The following CCAR1 variants were observed in gnomAD, a reference collection of about 807,000 sequenced individuals.
The protein encoded by CCAR1 is cell division cycle and apoptosis regulator 1.
Under a neutral mutation model 163.8 loss-of-function variants are expected in CCAR1, and 78 were observed. The observed-to-expected ratio is 0.48, with a 90% CI of 0.40 to 0.57. The LOEUF is 0.57. Ranked by LOEUF, CCAR1 falls within the 20% of genes least tolerant of loss-of-function variation. The pLI, the probability that CCAR1 is intolerant of heterozygous loss-of-function variation, is 0.00. For missense variants in CCAR1, 1,019 were observed against 1,365.2 expected (o/e 0.75, Z 4.00); for synonymous variants, 443 against 460.7 (o/e 0.96, Z 0.49).
chr10:68,757,419 A>G, intron 15 of CCAR1, 42 bp downstream of exon 15: 1 of 1,148,546 alleles, frequency 8.7e-7, no homozygotes, highest in Non-Finnish European at 1.3e-6. Flanking sequence ...TTTTTCAATT[A>G]AAAAGTTCTT....
Position 68,777,552 on chromosome 10 carries a change from C to T in CCAR1, c.2650+4453C>T, listed in dbSNP as rs191109169. Among the ~76,000 whole-genome samples the T allele has an allele frequency of 2.8e-3, 427 of 152,162 alleles. 7 individuals are homozygous for T. The highest frequency in any genetic ancestry group is 0.024 in the Admixed American group (372 of 15,272). ...ACAAAAAATTAGCTGGGCATGGTGG[C>T]GCGCACCTGTAATCCCAGCTGCTCA... On this transcript the variant is annotated intron_variant, in intron 19 of 24. Transcript: ENST00000265872.
chr10:68,782,922 A>T (rs1017041547), intron 19 of CCAR1, among the ~76,000 whole-genome samples: 1 of 151,832 alleles, frequency 6.6e-6, no homozygotes, highest in Non-Finnish European at 1.5e-5. Context: ...TCTGATGGAG[A>T]TGTACAAGGA....
At position 68,737,210 on chromosome 10, in the gene CCAR1, G is replaced by A. The variant is rs137882364; in HGVS notation, c.246+162G>A. 5.7e-3 allele frequency among the ~76,000 whole-genome samples: 873 copies of A among 152,192 alleles called. 12 individuals carry two copies. The highest frequency in any genetic ancestry group is 0.02 in the African/African-American group (831 of 41,528). The stretch of plus-strand genomic sequence containing the variant: ...TATTATATCTGACCAGCATATATAG[G>A]GAAGAATAGTTGGGCCAGGCATGGT... On this transcript the variant is annotated intron_variant, in intron 3 of 24. Coordinates refer to ENST00000265872, the MANE Select transcript of CCAR1 (RefSeq NM_018237.4).
At chr10:68,727,393 C>A (rs1165963449) in intron 2 of CCAR1, among the ~76,000 whole-genome samples, 3 of 152,002 alleles carry the variant, frequency 2.0e-5, no homozygotes, top group Non-Finnish European at 2.9e-5. Context: ...GAAATTGAGG[C>A]CAAGGACGGT....
chr10:68,768,033 G>A (rs971357210), intron 17 of CCAR1, among the ~76,000 whole-genome samples: 5 of 151,920 alleles, frequency 3.3e-5, no homozygotes, highest in Admixed American at 2.0e-4. Context: ...CATATCTTAT[G>A]TTCTTTTATT....
At position 68,791,259 on chromosome 10, in the gene CCAR1, G is replaced by A. The variant is rs150373089; in HGVS notation, c.3446G>A (p.Ser1149Asn). The change falls in exon 25 of 25, where the codon AGT becomes AAT. Residue 1149 changes from serine (S) to asparagine (N), a missense_variant. This residue lies in a region of CCAR1 where 358 missense variants were observed against 406.4 expected (regional missense o/e 0.88). Coordinates refer to ENST00000265872, the MANE Select transcript of CCAR1 (RefSeq NM_018237.4). ...CAAAAATCCAAGGAGAATGGTGCCA[G>A]TGTATGATAAAATCCATGTAGTGAT... The part of the protein sequence containing the change: ...KDQKSKENGA[S>N]V The A allele has an allele frequency of 2.5e-6, 4 of 1,595,792 alleles. No homozygotes were observed. Among genetic ancestry groups the A allele is most frequent in the Non-Finnish European group, 3.4e-6 (4 of 1,165,694 alleles).
intron 2 of CCAR1, among the ~76,000 whole-genome samples, chr10:68,725,432 T>C (rs1362908700): frequency 6.6e-6 from 1 of 151,962 alleles, no homozygotes; most frequent in Non-Finnish European, 1.5e-5. Context: ...CAACAAAACG[T>C]CATTTTCAAA....
chr10:68,743,107 A>T (rs2056204232), intron 6 of CCAR1, among the ~76,000 whole-genome samples: 1 of 151,466 alleles, frequency 6.6e-6, no homozygotes, highest in African/African-American at 2.4e-5. Flanking sequence ...TCATTTTTGT[A>T]TTTTTAGTAT....
At chr10:68,780,511 T>C (rs966687901) in intron 19 of CCAR1, among the ~76,000 whole-genome samples, 3 of 152,216 alleles carry the variant, frequency 2.0e-5, no homozygotes, top group African/African-American at 7.2e-5. Context: ...ATTTGCTTAA[T>C]TTTTTATTTA....
chr10:68,780,784 A>G (rs1422504498), intron 19 of CCAR1, among the ~76,000 whole-genome samples: 1 of 152,152 alleles, frequency 6.6e-6, no homozygotes, highest in Non-Finnish European at 1.5e-5. Context: ...TAATACTATT[A>G]TACATGTTTT....
intron 1 of CCAR1, 92 bp downstream of exon 1, chr10:68,721,374 T>A (rs2055852660): frequency 3.5e-6 from 1 of 289,844 alleles, no homozygotes; most frequent in South Asian, 2.5e-5. Context: ...GGGAGCGATC[T>A]TTTGGGTAGC....
intron 5 of CCAR1, among the ~76,000 whole-genome samples, chr10:68,741,133 C>T (rs1046937885): frequency 7.9e-5 from 12 of 152,006 alleles, no homozygotes; most frequent in African/African-American, 2.2e-4. Context: ...AAGCTGGTCT[C>T]GCCTAAGGTC....
chr10:68,756,974 G>A lies in CCAR1; in HGVS notation c.1837-320G>A, dbSNP rs1391934321. Among the ~76,000 whole-genome samples, 1 of 152,210 alleles carries A rather than the reference G, an allele frequency of 6.6e-6. No individual in the cohort carries two copies. Among genetic ancestry groups the A allele is most frequent in the Non-Finnish European group, 1.5e-5 (1 of 68,040 alleles). On this transcript the variant is annotated intron_variant, in intron 14 of 24. Transcript: ENST00000265872. The surrounding 1 kb of genome is among the most constrained non-coding windows in gnomAD (Gnocchi z 5.1). ...GGTCTGACTAAATCAGTCTTTGGGTGGCTTGAAAATTGAGGCAAGATCACA... is the reference window on the plus strand; with the variant it reads ...GGTCTGACTAAATCAGTCTTTGGGTAGCTTGAAAATTGAGGCAAGATCACA...
intron 10 of CCAR1, among the ~76,000 whole-genome samples, chr10:68,752,468 T>C (rs1379190765): frequency 6.6e-6 from 1 of 152,204 alleles, no homozygotes; most frequent in Non-Finnish European, 1.5e-5. Context: ...TGATACGGAA[T>C]TGGGAAACAA....
chr10:68,729,520 C>T (rs1445251492), intron 2 of CCAR1, among the ~76,000 whole-genome samples: 2 of 151,820 alleles, frequency 1.3e-5, no homozygotes, highest in African/African-American at 4.8e-5. Flanking sequence ...CCACCCGCCT[C>T]GGCCTCCCAA....
At chr10:68,772,632 C>G (rs972646757) in intron 18 of CCAR1, among the ~76,000 whole-genome samples, 2 of 151,898 alleles carry the variant, frequency 1.3e-5, no homozygotes, top group Admixed American at 1.3e-4. Context: ...GTGGCTCACA[C>G]CTGTAATCCC....
At position 68,724,497 on chromosome 10, in the gene CCAR1, C is replaced by G. The variant is rs568661656; in HGVS notation, c.73+1920C>G. ...TGAGTCGGAGGTCTCACTTTGTTAC[C>G]CAGGTGGATCTTGAACTTTTGGGCT... On this transcript the variant is annotated intron_variant, in intron 2 of 24. Transcript: ENST00000265872. Among the ~76,000 whole-genome samples, 12 of 152,052 alleles carry G rather than the reference C, an allele frequency of 7.9e-5. No homozygotes were observed. The East Asian group carries it at 1.6e-3, about 20-fold the overall frequency.
intron 9 of CCAR1, 129 bp downstream of exon 9, chr10:68,749,394 A>G: frequency 7.9e-7 from 1 of 1,271,188 alleles, no homozygotes; most frequent in Non-Finnish European, 1.1e-6. Context: ...TGTCTATTTT[A>G]CTACAATTTT....
At chr10:68,732,474 T>C (rs1045503333) in intron 2 of CCAR1, among the ~76,000 whole-genome samples, 2 of 152,146 alleles carry the variant, frequency 1.3e-5, no homozygotes, top group South Asian at 2.1e-4. Flanking sequence ...CTCAGCCTCC[T>C]GAGTAGCTGG....
Sources: gnomAD v4.1 joint callset for allele counts (sites outside exome capture counted in the v4.1 genomes callset) on GRCh38, gnomAD v4.1.1 for gene constraint, gnomAD v4.1.1 regional missense constraint, Gnocchi (gnomAD v3.1) non-coding constraint, MANE v1.5 for transcripts, NCBI Gene and HGNC (gene_info 2026-07-23, HGNC 2026-07-21) for gene names.